Variants in BRME1 observed in about 807,000 individuals in gnomAD.
The protein encoded by BRME1 is break repair meiotic recombinase recruitment factor 1.
BRME1 carries 31 observed loss-of-function variants against 52.6 expected under a neutral mutation model. That is an observed-to-expected ratio of 0.59 (90% CI 0.44 to 0.80). The LOEUF (loss-of-function observed/expected upper bound fraction) is 0.80, where lower values mean the gene tolerates loss of function less well. Among genes scored for constraint, BRME1 ranks in the 30% least tolerant of loss-of-function variants. The pLI is 0.00. For missense variants in BRME1, 804 were observed against 860.3 expected (o/e 0.93, Z 0.82); for synonymous variants, 359 against 353.6 (o/e 1.02, Z -0.17).
chr19:13,894,304 C>T lies in BRME1; in HGVS notation c.206+1068G>A, dbSNP rs1304354008. Among the ~76,000 whole-genome samples, 5 of 152,316 alleles carry T rather than the reference C, an allele frequency of 3.3e-5. No homozygotes were observed. The East Asian group carries it at 7.7e-4, about 24-fold the overall frequency. ...CTTTGGGAGGCCGAGGCGGGCGGAT[C>T]ACCTTAAGTCAGGAGTTCGAGACCA... is the stretch of plus-strand genomic sequence containing the variant. On this transcript the variant is annotated intron_variant, in intron 3 of 8. Coordinates refer to ENST00000586783, the MANE Select transcript of BRME1 (RefSeq NM_001345843.2).
intron 2 of BRME1, among the ~76,000 whole-genome samples, chr19:13,897,280 G>A (rs1048762992): frequency 9.5e-4 from 140 of 147,948 alleles, no homozygotes; most frequent in African/African-American, 3.4e-3. Flanking sequence ...CTCATGATCC[G>A]CCCGCCTCGG....
At chr19:13,886,767 C>T (rs1355337496) in intron 6 of BRME1, among the ~76,000 whole-genome samples, 1 of 135,062 alleles carries the variant, frequency 7.4e-6, no homozygotes, top group Non-Finnish European at 1.5e-5. Flanking sequence ...CCAGACCAGC[C>T]TGGGCAACAC....
Position 13,889,293 on chromosome 19 carries a change from G to A in BRME1, c.1563C>T (p.Asp521=), listed in dbSNP as rs765661954. 3 of 1,614,156 alleles carry A rather than the reference G, an allele frequency of 1.9e-6. No homozygotes were observed. The highest frequency in any genetic ancestry group is 2.5e-6 in the Non-Finnish European group (3 of 1,180,036). ...CTAAAGAGTCTGCCCAGGTGCCCTGGTCTGCAGAATGAGGCAGGTGGTCTC... is the reference window on the plus strand; with the variant it reads ...CTAAAGAGTCTGCCCAGGTGCCCTGATCTGCAGAATGAGGCAGGTGGTCTC... ...GQRDHLPHSA[D]QGTWADSLAV... Residue 521 remains aspartate, a synonymous_variant, in exon 6 of 9, where the codon GAC becomes GAT. Coordinates refer to ENST00000586783, the MANE Select transcript of BRME1 (RefSeq NM_001345843.2).
chr19:13,898,871 C>T (rs187113419), intron 2 of BRME1, among the ~76,000 whole-genome samples: 2 of 144,590 alleles, frequency 1.4e-5, no homozygotes, highest in Admixed American at 1.5e-4. Flanking sequence ...TGCAGTGAGC[C>T]GATATCGCGT....
chr19:13,894,291 G>A (rs532836511), intron 3 of BRME1, among the ~76,000 whole-genome samples: 12 of 152,288 alleles, frequency 7.9e-5, no homozygotes, highest in South Asian at 2.1e-4. Context: ...TTGGGAGGCC[G>A]AGGCGGGCGG....
intron 3 of BRME1, among the ~76,000 whole-genome samples, chr19:13,893,682 G>A (rs1969680067): frequency 6.6e-6 from 1 of 152,086 alleles, no homozygotes; most frequent in African/African-American, 2.4e-5. Context: ...CCAGCACTGT[G>A]GGAAGCTGAG....
At chr19:13,905,334 C>T (rs942710254) in intron 1 of BRME1, among the ~76,000 whole-genome samples, 1 of 151,904 alleles carries the variant, frequency 6.6e-6, no homozygotes, top group Admixed American at 6.6e-5. Context: ...TGGTGAAACC[C>T]CCTCTCTATT....
At chr19:13,893,672 C>T (rs547759575) in intron 3 of BRME1, among the ~76,000 whole-genome samples, 1 of 152,096 alleles carries the variant, frequency 6.6e-6, no homozygotes, top group Non-Finnish European at 1.5e-5. Context: ...CCCTTTAATC[C>T]CAGCACTGTG....
intron 5 of BRME1, 120 bp from the exon 6 acceptor site, chr19:13,890,582 T>C: frequency 1.0e-6 from 1 of 954,664 alleles, no homozygotes; most frequent in Non-Finnish European, 1.4e-6. Flanking sequence ...TGGCAAAAAT[T>C]GGCCAGGCGT....
chr19:13,891,135 T>TTTATTATTATTATTATTATTATTA (rs148642817), intron 5 of BRME1, among the ~76,000 whole-genome samples: 3 of 146,634 alleles, frequency 2.0e-5, no homozygotes, highest in African/African-American at 7.7e-5. Flanking sequence ...CAATTTCCTG[T>TTTATTATTATTATTATTATTATTA]TTATTATTAT....
chr19:13,890,140 C>T lies in BRME1; in HGVS notation c.716G>A (p.Ser239Asn). The change falls in exon 6 of 9, where the codon AGC (serine) becomes AAC (asparagine). Residue 239 changes from serine (S) to asparagine (N), a missense_variant. Around this residue, in one of 3 missense-constraint regions of BRME1, gnomAD observed 552 missense variants for 561.1 expected, o/e 0.98. Coordinates refer to ENST00000586783, the MANE Select transcript of BRME1 (RefSeq NM_001345843.2). ...TGGCTTCTCCCCTTCAGAATCAATG[C>T]TTGGTAGGTGTTCCTTTTGGCCACC... ...GDGGQKEHLP[S>N]IDSEGEKPDR... The T allele has an allele frequency of 3.7e-6, 6 of 1,614,200 alleles. No homozygotes were observed. The highest frequency in any genetic ancestry group is 5.1e-6 in the Non-Finnish European group (6 of 1,180,034).
chr19:13,886,953 G>T (rs543664733), intron 6 of BRME1, among the ~76,000 whole-genome samples: 1 of 152,180 alleles, frequency 6.6e-6, no homozygotes, highest in Non-Finnish European at 1.5e-5. Context: ...GGGCGACAGA[G>T]CAAGGCCCTG....
At chr19:13,897,505 G>A (rs1969990679) in intron 2 of BRME1, among the ~76,000 whole-genome samples, 1 of 147,746 alleles carries the variant, frequency 6.8e-6, no homozygotes, top group South Asian at 2.1e-4. Flanking sequence ...GCAGGGTGCT[G>A]CTGTTATGCC....
intron 5 of BRME1, among the ~76,000 whole-genome samples, chr19:13,890,789 C>T (rs1027232052): frequency 1.3e-5 from 2 of 152,136 alleles, no homozygotes; most frequent in African/African-American, 4.8e-5. Context: ...ATTGTTTGAA[C>T]CCGGGAGGCG....
chr19:13,887,100 C>T (rs950318362), intron 6 of BRME1, among the ~76,000 whole-genome samples: 2 of 152,236 alleles, frequency 1.3e-5, no homozygotes, highest in Non-Finnish European at 2.9e-5. Context: ...TTTGAAAGCT[C>T]TGTCTCTGCT....
intron 5 of BRME1, 26 bp from the exon 6 acceptor site, chr19:13,890,488 C>G (rs761715891): frequency 8.3e-6 from 12 of 1,453,552 alleles, no homozygotes; most frequent in African/African-American, 1.4e-5. Flanking sequence ...GACTCAGCCC[C>G]GGGGCCTTTG....
In BRME1 at chr19:13,882,349, C is replaced by A; in HGVS notation, c.*453G>T. ...GAAGCCTCAGCCCCAAACAGCAGGT[C>A]ACGGGGCCTCTACAGAATCATTTAT... On this transcript the variant is annotated 3_prime_UTR_variant, in exon 9 of 9. Transcript: ENST00000586783. The A allele has an allele frequency of 5.0e-6, 2 of 399,598 alleles. No individual in the cohort carries two copies. Among genetic ancestry groups the A allele is most frequent in the South Asian group, 2.4e-4 (2 of 8,254 alleles). The allele number at this position is 399,598 out of a possible 1,614,324, so 24.8% of individuals were successfully genotyped here. A position where few individuals can be genotyped will look rare whatever the true frequency, so the allele number is the denominator to read the frequency against.
chr19:13,896,686 A>G, intron 2 of BRME1, among the ~76,000 whole-genome samples: 1 of 148,756 alleles, frequency 6.7e-6, no homozygotes, highest in East Asian at 1.9e-4. Context: ...TATATATACT[A>G]TATATATATT....
At chr19:13,884,638 A>C (rs920183318) in intron 7 of BRME1, among the ~76,000 whole-genome samples, 32 of 151,924 alleles carry the variant, frequency 2.1e-4, no homozygotes, top group Admixed American at 5.9e-4. Context: ...CAAAAAAAAA[A>C]AAAAAATCAC....
Sources: allele counts gnomAD v4.1 joint callset (sites outside exome capture counted in the v4.1 genomes callset), GRCh38; gene constraint gnomAD v4.1.1; regional missense constraint gnomAD v4.1.1; transcripts MANE v1.5; gene names NCBI Gene and HGNC (gene_info 2026-07-23, HGNC 2026-07-21).